Variants in PTPRD observed in about 807,000 individuals in gnomAD.
The protein encoded by PTPRD is protein tyrosine phosphatase receptor type D, also known as receptor-type tyrosine-protein phosphatase delta.
Under a neutral mutation model 214.5 loss-of-function variants are expected in PTPRD, and 34 were observed. The ratio of observed to expected loss-of-function variants is 0.16; its 90% CI spans 0.12 to 0.21. The LOEUF is 0.21. Among genes scored for constraint, PTPRD ranks in the 10% least tolerant of loss-of-function variants. The pLI is 1.00. For synonymous variants in PTPRD, 1,128 were observed against 845.7 expected (o/e 1.33, Z -5.79); for missense variants, 2,545 against 2,398.7 (o/e 1.06, Z -1.27).
chr9:9,912,515 C>T (rs1319996640), intron 5 of PTPRD, among the ~76,000 whole-genome samples: 1 of 152,140 alleles, frequency 6.6e-6, no homozygotes, highest in Non-Finnish European at 1.5e-5. Context: ...TCCTCAATAG[C>T]ACATGTTTTG....
chr9:8,654,584 A>T (rs2096873840), intron 12 of PTPRD, among the ~76,000 whole-genome samples: 2 of 152,196 alleles, frequency 1.3e-5, no homozygotes. Context: ...TTATATATAC[A>T]TGTAAGCCAG....
chr9:9,352,537 A>T (rs114963325), intron 9 of PTPRD, among the ~76,000 whole-genome samples: 2,117 of 151,964 alleles, frequency 0.014, 52 homozygotes, highest in African/African-American at 0.048. Context: ...GAGTTAGTCC[A>T]GAGACAAACT....
At chr9:9,392,985 G>C (rs2066420607) in intron 9 of PTPRD, among the ~76,000 whole-genome samples, 1 of 152,140 alleles carries the variant, frequency 6.6e-6, no homozygotes. Flanking sequence ...ATTTGCAGAG[G>C]GGAGGAGCCT....
At chr9:9,247,365 A>G (rs1015468939) in intron 9 of PTPRD, among the ~76,000 whole-genome samples, 5 of 147,270 alleles carry the variant, frequency 3.4e-5, no homozygotes, top group Admixed American at 1.3e-4. Context: ...GAATATAAGC[A>G]CAAAATTAGA....
chr9:9,064,321 A>G (rs1024251650), intron 10 of PTPRD, among the ~76,000 whole-genome samples: 2 of 152,196 alleles, frequency 1.3e-5, no homozygotes, highest in African/African-American at 4.8e-5. Flanking sequence ...TCTATCATAG[A>G]ATAGTCTGTT....
At position 8,556,729 on chromosome 9, in the gene PTPRD, A is replaced by G. The variant is rs116475877; in HGVS notation, c.353-27950T>C. ...GCTTATTCTGTCTTAGAATGTACAAATTTATCATTTTGACAGGTAAAAAAA... is the reference window on the plus strand; with the variant it reads ...GCTTATTCTGTCTTAGAATGTACAAGTTTATCATTTTGACAGGTAAAAAAA... On this transcript the variant is annotated intron_variant, in intron 14 of 45. Coordinates refer to ENST00000381196, the MANE Select transcript of PTPRD (RefSeq NM_002839.4). 6.0e-3 allele frequency among the ~76,000 whole-genome samples: 908 copies of G among 152,226 alleles called. 9 individuals carry two copies. Among genetic ancestry groups the G allele is most frequent in the African/African-American group, 0.019 (795 of 41,554 alleles).
intron 2 of PTPRD, among the ~76,000 whole-genome samples, chr9:10,506,811 G>C (rs1235635909): frequency 6.6e-6 from 1 of 151,854 alleles, no homozygotes; most frequent in East Asian, 1.9e-4. Flanking sequence ...CTTCAATTTG[G>C]GTTTGCGTGA....
At chr9:8,527,476 T>C in intron 15 of PTPRD, 123 bp from the exon 16 acceptor site, 1 of 826,568 alleles carries the variant, frequency 1.2e-6, no homozygotes, top group African/African-American at 1.7e-5. Flanking sequence ...TACATGTGAA[T>C]AATTAATTCT....
chr9:8,922,818 T>A (rs530653559), intron 11 of PTPRD, among the ~76,000 whole-genome samples: 1 of 150,862 alleles, frequency 6.6e-6, no homozygotes, highest in Non-Finnish European at 1.5e-5. Flanking sequence ...GGCTAATTTT[T>A]TTTTTTTTTT....
chr9:9,206,711 C>T (rs976901766), intron 9 of PTPRD, among the ~76,000 whole-genome samples: 6 of 152,170 alleles, frequency 3.9e-5, no homozygotes, highest in African/African-American at 1.4e-4. Context: ...CCTTGAACAT[C>T]AGACTCCAAG....
chr9:10,292,899 T>C (rs1450003708), intron 3 of PTPRD, among the ~76,000 whole-genome samples: 2 of 151,892 alleles, frequency 1.3e-5, no homozygotes, highest in Admixed American at 1.3e-4. Flanking sequence ...TTACATTAGT[T>C]AGTAAGTTAC....
Position 8,570,424 on chromosome 9 carries a change from T to C in PTPRD, c.353-41645A>G, listed in dbSNP as rs576478606. ...TAAAGATTAAGGAATTTAATAAGCT[T>C]CCCTTTTCCTTTAACAAAAAAGCTT... On this transcript the variant is annotated intron_variant, in intron 14 of 45. Coordinates refer to ENST00000381196, the MANE Select transcript of PTPRD (RefSeq NM_002839.4). Among the ~76,000 whole-genome samples, 7 of 152,258 alleles carry C rather than the reference T, an allele frequency of 4.6e-5. No homozygotes were observed. The South Asian group carries it at 1.5e-3, about 32-fold the overall frequency.
At chr9:8,818,295 G>A (rs993576210) in intron 11 of PTPRD, among the ~76,000 whole-genome samples, 4 of 152,112 alleles carry the variant, frequency 2.6e-5, no homozygotes, top group Non-Finnish European at 5.9e-5. Flanking sequence ...TATATTCTCT[G>A]CCTCACCTTA....
At chr9:8,789,892 A>C (rs1279511709) in intron 11 of PTPRD, among the ~76,000 whole-genome samples, 1 of 152,232 alleles carries the variant, frequency 6.6e-6, no homozygotes, top group Non-Finnish European at 1.5e-5. Context: ...TGGAGGGTAG[A>C]AAGCAGTTCT....
chr9:8,787,803 G>C (rs2096054443), intron 11 of PTPRD, among the ~76,000 whole-genome samples: 1 of 152,032 alleles, frequency 6.6e-6, no homozygotes, highest in African/African-American at 2.4e-5. Flanking sequence ...GTCTGCCCCA[G>C]CAACACAACT....
chr9:10,504,680 GA>G lies in PTPRD; in HGVS notation c.-600+107717del, dbSNP rs376782115. Among the ~76,000 whole-genome samples the G allele has an allele frequency of 1.3e-3, 203 of 152,222 alleles. 3 individuals carry two copies. Among genetic ancestry groups the G allele is most frequent in the African/African-American group, 4.7e-3 (194 of 41,538 alleles). On this transcript the variant is annotated intron_variant, in intron 2 of 45. Transcript: ENST00000381196. ...CACTTCCTTTTATCAGCATTTTATA[GA>G]GAAAGAAACTGAGATTCAGAAAAAA...
intron 11 of PTPRD, among the ~76,000 whole-genome samples, chr9:9,012,134 GTAGCCTC>G (rs531505794): frequency 3.5e-4 from 54 of 152,252 alleles, no homozygotes; most frequent in Non-Finnish European, 6.8e-4. Flanking sequence ...GGAGCTGAGA[GTAGCCTC>G]TAGCCAACAG....
At chr9:9,312,875 T>A (rs1959784803) in intron 9 of PTPRD, among the ~76,000 whole-genome samples, 1 of 152,366 alleles carries the variant, frequency 6.6e-6, no homozygotes, top group East Asian at 1.9e-4. Context: ...TGTTTATTTT[T>A]GAACTACGTG....
At chr9:10,410,013 T>G (rs937321032) in intron 2 of PTPRD, among the ~76,000 whole-genome samples, 1 of 151,614 alleles carries the variant, frequency 6.6e-6, no homozygotes, top group African/African-American at 2.4e-5. Flanking sequence ...ACTGTGTAAT[T>G]AATAAATATT....
Sources: gnomAD v4.1 joint callset for allele counts (sites outside exome capture counted in the v4.1 genomes callset) on GRCh38, gnomAD v4.1.1 for gene constraint, MANE v1.5 for transcripts, NCBI Gene and HGNC (gene_info 2026-07-23, HGNC 2026-07-21) for gene names.